The following KDM4C variants were observed in gnomAD, a reference collection of about 807,000 sequenced individuals.
KDM4C encodes the protein lysine-specific demethylase 4C.
Under a neutral mutation model 129.3 loss-of-function variants are expected in KDM4C, and 81 were observed. The observed-to-expected ratio is 0.63, with a 90% CI of 0.52 to 0.75. The LOEUF (loss-of-function observed/expected upper bound fraction) is 0.75. Ranked by LOEUF, KDM4C falls within the 30% of genes least tolerant of loss-of-function variation. The pLI is 0.00. For synonymous variants in KDM4C, 573 were observed against 456.1 expected, an observed-to-expected ratio of 1.26 and a Z score of -3.26; for missense variants, 1,457 against 1,304.0, an observed-to-expected ratio of 1.12 and a Z score of -1.81.
chr9:6,827,957 T>A (rs1834159984), intron 4 of KDM4C, among the ~76,000 whole-genome samples: 1 of 152,198 alleles, frequency 6.6e-6, no homozygotes, highest in African/African-American at 2.4e-5. Context: ...TTGGTCACAT[T>A]GCATCCAGAA....
chr9:7,016,600 A>G (rs1823740577), intron 15 of KDM4C, among the ~76,000 whole-genome samples: 1 of 150,866 alleles, frequency 6.6e-6, no homozygotes. Context: ...TGATTTTTGT[A>G]TTTTTAGTAG....
In KDM4C at chr9:6,987,994, C is replaced by CA. The variant is rs1273840629; in HGVS notation, c.1677+1338dup. 5.5e-3 allele frequency among the ~76,000 whole-genome samples: 783 copies of CA among 143,226 alleles called. 3 individuals are homozygous for CA. The highest frequency in any genetic ancestry group is 0.017 in the African/African-American group (661 of 39,032). The allele number at this position is 143,226 out of a possible 152,430, so 94.0% of individuals were successfully genotyped here. ...ACAACATGGTCACACCCTGTGTCTACAAAAAAAAAATAAAAAAAAATTTAG... is the reference window on the plus strand; with the variant it reads ...ACAACATGGTCACACCCTGTGTCTACAAAAAAAAAAATAAAAAAAAATTTAG... On this transcript the variant is annotated intron_variant, in intron 11 of 21. Transcript: ENST00000381309.
intron 17 of KDM4C, among the ~76,000 whole-genome samples, chr9:7,064,400 G>A (rs1469393477): frequency 6.6e-6 from 1 of 152,182 alleles, no homozygotes; most frequent in Non-Finnish European, 1.5e-5. Flanking sequence ...TGCATAATGT[G>A]GAGTATGGTG....
intron 7 of KDM4C, among the ~76,000 whole-genome samples, chr9:6,891,411 A>C (rs1051438132): frequency 6.6e-6 from 1 of 152,260 alleles, no homozygotes; most frequent in African/African-American, 2.4e-5. Context: ...CAGTAACAAA[A>C]GATCATACTT....
chr9:7,054,507 A>T (rs1404407275), intron 17 of KDM4C, among the ~76,000 whole-genome samples: 1 of 152,222 alleles, frequency 6.6e-6, no homozygotes, highest in Non-Finnish European at 1.5e-5. Context: ...AGGATTAAGG[A>T]TGGGACTTTA....
rs113737764 is a variant in KDM4C, at chr9:6,837,254, C to T, written c.436-12253C>T. 4.6e-5 allele frequency among the ~76,000 whole-genome samples: 7 copies of T among 152,246 alleles called. No homozygotes were observed. The East Asian group carries it at 7.7e-4, about 17-fold the overall frequency. On this transcript the variant is annotated intron_variant, in intron 4 of 21. Transcript: ENST00000381309. ...TGTATTTTTTGTCGAGATGGGGTTTCGCCATGGTGCCCAGGCTTATCCCAA... is the reference window on the plus strand; with the variant it reads ...TGTATTTTTTGTCGAGATGGGGTTTTGCCATGGTGCCCAGGCTTATCCCAA...
intron 4 of KDM4C, among the ~76,000 whole-genome samples, chr9:6,824,288 C>G (rs538490004): frequency 2.6e-4 from 39 of 152,270 alleles, no homozygotes; most frequent in South Asian, 1.0e-3. Flanking sequence ...TTCTCTAGCT[C>G]CAGTCTCTAG....
At chr9:6,831,541 C>A (rs1053100348) in intron 4 of KDM4C, among the ~76,000 whole-genome samples, 1 of 152,086 alleles carries the variant, frequency 6.6e-6, no homozygotes, top group African/African-American at 2.4e-5. Flanking sequence ...TGGGGTTTCA[C>A]CATGTTGGCC....
chr9:6,989,640 A>G (rs1818369098), intron 11 of KDM4C, among the ~76,000 whole-genome samples: 1 of 152,130 alleles, frequency 6.6e-6, no homozygotes, highest in South Asian at 2.1e-4. Flanking sequence ...TCATTTCTGA[A>G]TGGAAAGAAG....
Position 6,880,041 on chromosome 9 carries a change from G to T in KDM4C, c.659G>T (p.Arg220Leu). Residue 220 changes from arginine to leucine, a missense_variant, in exon 6 of 22, where the codon CGA (arginine) becomes CTA (leucine). By Grantham distance (102) the Arg-to-Leu change is moderately radical. Coordinates refer to ENST00000381309, the MANE Select transcript of KDM4C (RefSeq NM_015061.6). ...GCTATACCTCCGGAGCATGGAAAAC[G>T]ACTTGAAAGACTAGCTCAAGGTAAA... ...WYAIPPEHGKRLERLAQGFFP... is the reference protein window; with the variant it reads ...WYAIPPEHGKLLERLAQGFFP... 1 of 1,599,262 alleles carries T rather than the reference G, an allele frequency of 6.3e-7. No individual in the cohort carries two copies. The highest frequency in any genetic ancestry group is 1.1e-5 in the South Asian group (1 of 89,124).
chr9:6,986,419 T>C lies in KDM4C; in HGVS notation c.1430T>C (p.Val477Ala). ...GACAAAGCTTATGCATATAGAAGTGTACCTTCTATATCCAGTGAGGCTGAT... is the reference window on the plus strand; with the variant it reads ...GACAAAGCTTATGCATATAGAAGTGCACCTTCTATATCCAGTGAGGCTGAT... The part of the protein sequence containing the change: ...EDDKAYAYRS[V>A]PSISSEADDS... Residue 477 changes from valine to alanine, a missense_variant, in exon 11 of 22, where the codon GTA becomes GCA. Val to Ala is a moderately conservative substitution (Grantham distance 64, BLOSUM62 0). Transcript: ENST00000381309. 2 of 1,612,680 alleles carry C rather than the reference T, an allele frequency of 1.2e-6. No individual in the cohort carries two copies. The highest frequency in any genetic ancestry group is 2.7e-5 in the African/African-American group (2 of 75,018).
At chr9:6,884,513 C>T (rs1486124473) in intron 6 of KDM4C, among the ~76,000 whole-genome samples, 3 of 152,056 alleles carry the variant, frequency 2.0e-5, no homozygotes, top group Admixed American at 2.0e-4. Context: ...AGCCTCATAC[C>T]AGTCATATAA....
intron 1 of KDM4C, among the ~76,000 whole-genome samples, chr9:6,728,669 A>T (rs189200185): frequency 6.6e-6 from 1 of 151,712 alleles, no homozygotes; most frequent in African/African-American, 2.4e-5. Context: ...ACATGGGGAA[A>T]CCCCATCTCT....
chr9:6,807,520 G>A (rs1382478840), intron 3 of KDM4C, among the ~76,000 whole-genome samples: 1 of 146,158 alleles, frequency 6.8e-6, no homozygotes. Context: ...TGTGGGGAGC[G>A]CCTCTGCCCC....
chr9:6,819,851 T>C (rs1588489054), intron 4 of KDM4C, among the ~76,000 whole-genome samples: 1 of 152,242 alleles, frequency 6.6e-6, no homozygotes, highest in South Asian at 2.1e-4. Flanking sequence ...ATTGTTTAAT[T>C]CTTTAGTTCA....
At chr9:6,769,723 G>C (rs916415155) in intron 1 of KDM4C, among the ~76,000 whole-genome samples, 7 of 151,236 alleles carry the variant, frequency 4.6e-5, no homozygotes, top group African/African-American at 1.7e-4. Flanking sequence ...TTGTGTAGAT[G>C]GACAATGCCT....
At chr9:6,799,927 C>A (rs1828611152) in intron 2 of KDM4C, among the ~76,000 whole-genome samples, 1 of 151,922 alleles carries the variant, frequency 6.6e-6, no homozygotes, top group African/African-American at 2.4e-5. Flanking sequence ...ATATTCTTTT[C>A]AAATATTGAG....
intron 1 of KDM4C, among the ~76,000 whole-genome samples, chr9:6,747,889 G>C (rs1404921338): frequency 6.6e-6 from 1 of 152,036 alleles, no homozygotes. Flanking sequence ...TTCTAGGAAA[G>C]AACAGAGGCT....
intron 5 of KDM4C, among the ~76,000 whole-genome samples, chr9:6,879,483 A>G (rs1430548871): frequency 1.3e-5 from 2 of 152,312 alleles, no homozygotes; most frequent in East Asian, 1.9e-4. Context: ...CTGTTTGAAA[A>G]TTACGGTGTT....
Sources: allele counts gnomAD v4.1 joint callset (sites outside exome capture counted in the v4.1 genomes callset), GRCh38; gene constraint gnomAD v4.1.1; transcripts MANE v1.5; gene names NCBI Gene and HGNC (gene_info 2026-07-23, HGNC 2026-07-21).